FREM1: variants seen among roughly 807,000 people sequenced by gnomAD.
The protein encoded by FREM1 is FRAS1-related extracellular matrix protein 1.
A neutral mutation model predicts 210.1 loss-of-function variants in FREM1; 220 were observed. The ratio of observed to expected loss-of-function variants is 1.05; its 90% confidence interval spans 0.94 to 1.17. FREM1 has a LOEUF of 1.17. Among genes scored for constraint, FREM1 ranks in the 50% most tolerant of loss-of-function variants. The pLI is 0.00. For synonymous variants in FREM1, 1,189 were observed against 980.2 expected, an observed-to-expected ratio of 1.21 and a Z score of -3.98; for missense variants, 3,454 against 2,675.5, an observed-to-expected ratio of 1.29 and a Z score of -6.42.
At chr9:14,830,991 A>G (rs10810258) in intron 10 of FREM1, among the ~76,000 whole-genome samples, 60,358 of 151,888 alleles carry the variant, frequency 0.4, 12,018 homozygotes, top group African/African-American at 0.43. Context: ...ATTGTTGGCT[A>G]CCGTACTCAA....
At chr9:14,849,518 T>C (rs1324057456) in intron 6 of FREM1, among the ~76,000 whole-genome samples, 1 of 152,208 alleles carries the variant, frequency 6.6e-6, no homozygotes, top group African/African-American at 2.4e-5. Context: ...ATGCAAGGCA[T>C]ACTCCCTACT....
At chr9:14,754,205 T>C (rs1301399324) in intron 29 of FREM1, among the ~76,000 whole-genome samples, 1 of 152,192 alleles carries the variant, frequency 6.6e-6, no homozygotes, top group Admixed American at 6.5e-5. Flanking sequence ...ATGGAAAAGT[T>C]GGAAGTGCCT....
intron 21 of FREM1, among the ~76,000 whole-genome samples, chr9:14,794,477 C>T (rs1031067157): frequency 1.3e-5 from 2 of 152,156 alleles, no homozygotes; most frequent in Admixed American, 6.5e-5. Context: ...TGAGGCACTG[C>T]GGACACCTGA....
chr9:14,737,399 G>C lies in FREM1; in HGVS notation c.6537C>G (p.Leu2179=). The C allele has an allele frequency of 5.6e-6, 9 of 1,612,944 alleles. No individual in the cohort carries two copies. The highest frequency in any genetic ancestry group is 5.9e-6 in the Non-Finnish European group (7 of 1,179,260). ...KPHNYVCSRK[L] ...CCCCCTGTAGGGTCTGTTATATTTA[G>C]AGTTTTCTGGAACACACATAATTAT... Residue 2179 remains leucine (L), a synonymous_variant, in exon 37 of 37, where the codon CTC becomes CTG. Coordinates refer to ENST00000380880, the MANE Select transcript of FREM1 (RefSeq NM_001379081.2).
chr9:14,875,438 C>G (rs1465432799), intron 1 of FREM1, among the ~76,000 whole-genome samples: 3 of 152,212 alleles, frequency 2.0e-5, no homozygotes, highest in Admixed American at 1.3e-4. Context: ...TCCTCCATCA[C>G]TGATACCCTT....
At position 14,824,239 on chromosome 9, in the gene FREM1, T is replaced by G. The variant is rs138460678; in HGVS notation, c.2079-124A>C. ...AGAAATTGGGTGCTCTATCTTTATA[T>G]TCTCTCTTTATGTTGGGAGATTCTA... On this transcript the variant is annotated intron_variant, in intron 11 of 36. Transcript: ENST00000380880. 5.8e-4 allele frequency: 363 copies of G among 625,260 alleles called. 1 individual carries two copies. The highest frequency in any genetic ancestry group is 1.6e-3 in the Middle Eastern group (4 of 2,568). The allele number at this position is 625,260 out of a possible 1,614,324, so 38.7% of individuals were successfully genotyped here.
intron 35 of FREM1, among the ~76,000 whole-genome samples, chr9:14,743,071 T>G (rs747187994): frequency 6.6e-6 from 1 of 152,132 alleles, no homozygotes; most frequent in Non-Finnish European, 1.5e-5. Flanking sequence ...TTTCATATAC[T>G]ATAAATATAA....
At chr9:14,856,322 T>C (rs73415694) in intron 5 of FREM1, among the ~76,000 whole-genome samples, 1 of 152,152 alleles carries the variant, frequency 6.6e-6, no homozygotes, top group South Asian at 2.1e-4. Context: ...ACTCAGAAAT[T>C]TATCCTTGAA....
intron 21 of FREM1, among the ~76,000 whole-genome samples, chr9:14,793,141 C>T (rs565776911): frequency 2.6e-5 from 4 of 152,238 alleles, no homozygotes; most frequent in East Asian, 1.9e-4. Context: ...TTACATGTAC[C>T]AAACTTTACA....
rs767714531 is a variant in FREM1, at chr9:14,748,588, T to G, written c.5609A>C (p.Glu1870Ala). The G allele has an allele frequency of 6.2e-7, 1 of 1,613,842 alleles. No individual in the cohort carries two copies. The highest frequency in any genetic ancestry group is 8.5e-7 in the Non-Finnish European group (1 of 1,179,816). ...GGGCAGCAGATGCCAAATGCCCTTC[T>G]CCCATGTGCTGTGCTTGCTTTGGTT... ...SSNQSKHSTW[E>A]KGIWHLLPPG... Residue 1870 changes from glutamate to alanine, a missense_variant, in exon 31 of 37, where the codon GAG becomes GCG. Transcript: ENST00000380880.
rs1563988103 is a variant in FREM1 at position 14,813,006 on chromosome 9, T to C, written c.2699A>G (p.Asn900Ser). 6.2e-7 allele frequency: 1 copy of C among 1,613,876 alleles called. No homozygotes were observed. Residue 900 changes from asparagine to serine, a missense_variant, in exon 16 of 37, where the codon AAT (asparagine) becomes AGT (serine). Physicochemically the swap from Asn to Ser is conservative, Grantham distance 46. Transcript: ENST00000380880. ...VLKADLMPVM[N>S]CSEGGEVVIT... ...GACCACCTCTCCTCCCTCTGAGCAA[T>C]TCATGACAGGCATGAGGTCAGCCTT...
In FREM1 at chr9:14,808,042, T is replaced by C. The variant is rs1657259643; in HGVS notation, c.2986A>G (p.Asn996Asp). ...AGTGGAACAGATGGATTGGGTCCATTGTAGCAACAGCCATTCACAAAAGGG... is the reference window on the plus strand; with the variant it reads ...AGTGGAACAGATGGATTGGGTCCATCGTAGCAACAGCCATTCACAAAAGGG... ...AGPFVNGCCY[N>D]GPNPSVPLHA... Residue 996 changes from asparagine to aspartate, a missense_variant, in exon 17 of 37, where the codon AAT becomes GAT. Asn to Asp is a conservative substitution (Grantham distance 23). Transcript: ENST00000380880. 1.2e-6 allele frequency: 2 copies of C among 1,613,638 alleles called. No homozygotes were observed. Among genetic ancestry groups the C allele is most frequent in the Admixed American group, 3.3e-5 (2 of 59,992 alleles).
At chr9:14,756,899 T>C (rs1157033026) in intron 28 of FREM1, among the ~76,000 whole-genome samples, 1 of 152,002 alleles carries the variant, frequency 6.6e-6, no homozygotes, top group South Asian at 2.1e-4. Context: ...AGCTTGGAGG[T>C]ATCCTGCAAG....
At chr9:14,822,197 A>T (rs1821484263) in intron 13 of FREM1, among the ~76,000 whole-genome samples, 1 of 151,264 alleles carries the variant, frequency 6.6e-6, no homozygotes, top group African/African-American at 2.4e-5. Flanking sequence ...CTGTGAATTC[A>T]TTAAACCCCT....
rs562908668 is a variant in FREM1, at chr9:14,763,028, T to C, written c.5205-3127A>G. ...GGTTCATATCTTCCCATTTTAACAG[T>C]GCTTCCAGTTTCCTGTCACCATTGA... is the stretch of plus-strand genomic sequence containing the variant. On this transcript the variant is annotated intron_variant, in intron 27 of 36. Coordinates refer to ENST00000380880, the MANE Select transcript of FREM1 (RefSeq NM_001379081.2). 8.3e-4 allele frequency among the ~76,000 whole-genome samples: 126 copies of C among 152,328 alleles called. 1 individual carries two copies. Among genetic ancestry groups the C allele is most frequent in the African/African-American group, 3.0e-3 (123 of 41,588 alleles).
intron 4 of FREM1, among the ~76,000 whole-genome samples, chr9:14,858,414 G>T (rs1168846955): frequency 6.6e-6 from 1 of 151,762 alleles, no homozygotes; most frequent in Non-Finnish European, 1.5e-5. Context: ...TGCCCAGACT[G>T]GTCTTGAAAC....
Position 14,873,439 on chromosome 9 carries a change from T to G in FREM1, c.-267-4195A>C, listed in dbSNP as rs558554273. On this transcript the variant is annotated intron_variant, in intron 1 of 36. Transcript: ENST00000380880. ...AGGAATTTATCCATTTCTTCGATAT[T>G]TTCTAGTTTATTTGTGTAGAGGTGT... Among the ~76,000 whole-genome samples the G allele has an allele frequency of 8.1e-4, 123 of 152,340 alleles. 1 individual carries two copies. Among genetic ancestry groups the G allele is most frequent in the African/African-American group, 2.9e-3 (120 of 41,574 alleles).
chr9:14,764,476 C>A (rs1419189702), intron 27 of FREM1, among the ~76,000 whole-genome samples: 1 of 152,142 alleles, frequency 6.6e-6, no homozygotes, highest in Non-Finnish European at 1.5e-5. Flanking sequence ...GCTTTATTAG[C>A]ATAGAGAGAA....
At chr9:14,821,411 G>A (rs1040302545) in intron 13 of FREM1, among the ~76,000 whole-genome samples, 1 of 152,038 alleles carries the variant, frequency 6.6e-6, no homozygotes, top group Admixed American at 6.6e-5. Flanking sequence ...TCTCCATCAA[G>A]AGGCTTGAAT....
Sources: gnomAD v4.1 joint callset for allele counts (sites outside exome capture counted in the v4.1 genomes callset) on GRCh38, gnomAD v4.1.1 for gene constraint, MANE v1.5 for transcripts, NCBI Gene and HGNC (gene_info 2026-07-23, HGNC 2026-07-21) for gene names.